Variants in FNDC1 observed in about 807,000 individuals in gnomAD.
The protein encoded by FNDC1 is fibronectin type III domain containing 1.
FNDC1 carries 96 observed loss-of-function variants against 168.0 expected under a neutral mutation model. The observed-to-expected ratio is 0.57, with a 90% confidence interval of 0.48 to 0.68. FNDC1 has a LOEUF of 0.68. Ranked by LOEUF, FNDC1 falls within the 30% of genes least tolerant of loss-of-function variation. The pLI, the probability that FNDC1 is intolerant of heterozygous loss-of-function variation, is 0.00. For synonymous variants in FNDC1, 1,099 were observed against 1,025.9 expected (o/e 1.07, Z -1.36); for missense variants, 2,587 against 2,482.1 (o/e 1.04, Z -0.90).
In FNDC1 at chr6:159,200,584, A is replaced by G. The variant is rs1249652165; in HGVS notation, c.460+3A>G. 1.3e-6 allele frequency: 2 copies of G among 1,585,050 alleles called. No individual in the cohort carries two copies. The highest frequency in any genetic ancestry group is 1.3e-5 in the African/African-American group (1 of 74,654). ...ACCATTTAATGAAACCGTCACAGGTACTACTTCCTCCTTCATGTCAGATTC... is the reference window on the plus strand; with the variant it reads ...ACCATTTAATGAAACCGTCACAGGTGCTACTTCCTCCTTCATGTCAGATTC... On this transcript the variant is annotated splice_donor_region_variant and intron_variant, in intron 4 of 22. Coordinates refer to ENST00000297267, the MANE Select transcript of FNDC1 (RefSeq NM_032532.3).
chr6:159,247,073 G>T (rs888202350), intron 15 of FNDC1, 104 bp downstream of exon 15: 1 of 910,344 alleles, frequency 1.1e-6, no homozygotes, highest in Admixed American at 1.9e-5. Context: ...TTCCTTTAGA[G>T]CTTTGGGCCG....
intron 4 of FNDC1, among the ~76,000 whole-genome samples, chr6:159,203,516 G>A (rs1315176305): frequency 2.0e-5 from 3 of 152,150 alleles, no homozygotes; most frequent in Admixed American, 6.5e-5. Flanking sequence ...TGACAGGATC[G>A]AGCGAGAATG....
Position 159,233,917 on chromosome 6 carries a change from C to A in FNDC1, c.3405C>A (p.Pro1135=), listed in dbSNP as rs1427906384. The part of the protein sequence containing the change: ...HRSQRGHAAS[P]ARPSRPGGPQ... ...CCCAGCGCGGACATGCGGCCTCCCC[C>A]GCCAGGCCCAGCCGACCCGGCGGCC... is the stretch of plus-strand genomic sequence containing the variant. The change falls in exon 11 of 23, where the codon CCC becomes CCA. Residue 1135 remains proline (P), a synonymous_variant. Coordinates refer to ENST00000297267, the MANE Select transcript of FNDC1 (RefSeq NM_032532.3). This position sits in a 1 kb window ranked among gnomAD's most constrained non-coding sequence, Gnocchi z 4.6. The A allele has an allele frequency of 3.2e-6, 5 of 1,548,934 alleles. No individual in the cohort carries two copies. Among genetic ancestry groups the A allele is most frequent in the African/African-American group, 1.4e-5 (1 of 73,036 alleles).
chr6:159,212,573 A>G (rs1782628424), intron 4 of FNDC1, among the ~76,000 whole-genome samples: 1 of 152,208 alleles, frequency 6.6e-6, no homozygotes, highest in Non-Finnish European at 1.5e-5. Context: ...AAGATTTGAA[A>G]GAGAGACAAT....
chr6:159,219,046 C>CTTTTT (rs11435161), intron 5 of FNDC1, among the ~76,000 whole-genome samples: 4 of 146,722 alleles, frequency 2.7e-5, no homozygotes, highest in Non-Finnish European at 1.5e-5. Context: ...AGTTTCCCCT[C>CTTTTT]TTTTTTTTTT....
At chr6:159,253,143 C>CTAA (rs1237975931) in intron 17 of FNDC1, among the ~76,000 whole-genome samples, 2 of 152,192 alleles carry the variant, frequency 1.3e-5, no homozygotes, top group Non-Finnish European at 2.9e-5. Flanking sequence ...CCTCAGAGCC[C>CTAA]TAATCATGAG....
At chr6:159,186,065 C>A (rs1228664516) in intron 1 of FNDC1, among the ~76,000 whole-genome samples, 1 of 152,182 alleles carries the variant, frequency 6.6e-6, no homozygotes, top group African/African-American at 2.4e-5. Flanking sequence ...ATTCTCTGAG[C>A]AAATTACAGT....
Position 159,251,483 on chromosome 6 carries a change from A to T in FNDC1, c.5016A>T (p.Ser1672=). The T allele has an allele frequency of 6.2e-7, 1 of 1,613,896 alleles. No individual in the cohort carries two copies. The highest frequency in any genetic ancestry group is 1.1e-5 in the South Asian group (1 of 91,056). The change falls in exon 17 of 23, where the codon TCA becomes TCT. Residue 1672 remains serine (S), a synonymous_variant. Coordinates refer to ENST00000297267, the MANE Select transcript of FNDC1 (RefSeq NM_032532.3). ...TGGTGGCCGTGGAAGGTTGCCACTCATTTGTCATTGTGGACTGGGACAAAG... is the reference window on the plus strand; with the variant it reads ...TGGTGGCCGTGGAAGGTTGCCACTCTTTTGTCATTGTGGACTGGGACAAAG... ...ITVVAVEGCH[S]FVIVDWDKAT...
chr6:159,228,459 C>T (rs897998177), intron 9 of FNDC1, among the ~76,000 whole-genome samples: 10 of 152,014 alleles, frequency 6.6e-5, no homozygotes, highest in Non-Finnish European at 1.0e-4. Context: ...TTTTGACCAC[C>T]ACAAATGACA....
intron 12 of FNDC1, 91 bp downstream of exon 12, chr6:159,236,406 CTTTG>C (rs1783261526): frequency 8.4e-6 from 7 of 834,118 alleles, no homozygotes; most frequent in Middle Eastern, 2.2e-4. Context: ...ATGAAGTGGT[CTTTG>C]TTTGTTCTTC....
At chr6:159,184,266 T>C (rs1218293992) in intron 1 of FNDC1, among the ~76,000 whole-genome samples, 1 of 152,250 alleles carries the variant, frequency 6.6e-6, no homozygotes, top group Non-Finnish European at 1.5e-5. Flanking sequence ...AGTAAATCTC[T>C]GTTCCATAAA....
Position 159,232,562 on chromosome 6 carries a change from A to G in FNDC1, c.2050A>G (p.Arg684Gly). The change falls in exon 11 of 23, where the codon AGA becomes GGA. Residue 684 changes from arginine (R) to glycine (G), a missense_variant. By Grantham distance (125) the Arg-to-Gly change is moderately radical (BLOSUM62 -2). Transcript: ENST00000297267. The surrounding 1 kb of genome is among the most constrained non-coding windows in gnomAD (Gnocchi z 4.9). Reference sequence around the variant, plus strand: ...GTCCCCGTCCAGCGTTCTCCGCGACAGAAGCTCTGTGCACCCCGGCGCAAA... The same window carrying G: ...GTCCCCGTCCAGCGTTCTCCGCGACGGAAGCTCTGTGCACCCCGGCGCAAA... ...RQSPSSVLRDRSSVHPGAKPA... is the reference protein window; with the variant it reads ...RQSPSSVLRDGSSVHPGAKPA... The G allele has an allele frequency of 6.2e-7, 1 of 1,611,688 alleles. No homozygotes were observed. Among genetic ancestry groups the G allele is most frequent in the Non-Finnish European group, 8.5e-7 (1 of 1,178,826 alleles).
At chr6:159,214,855 T>C in intron 4 of FNDC1, 90 bp from the exon 5 acceptor site, 1 of 1,084,114 alleles carries the variant, frequency 9.2e-7, no homozygotes, top group South Asian at 1.4e-5. Context: ...AGCTAATTGT[T>C]GAGGCTCAGG....
At chr6:159,172,992 T>C (rs1781691691) in intron 1 of FNDC1, among the ~76,000 whole-genome samples, 1 of 152,244 alleles carries the variant, frequency 6.6e-6, no homozygotes, top group Non-Finnish European at 1.5e-5. Flanking sequence ...ACAGTTACTT[T>C]TCATATAAAT....
chr6:159,256,208 T>A (rs1004054485), intron 17 of FNDC1, among the ~76,000 whole-genome samples: 18 of 152,190 alleles, frequency 1.2e-4, no homozygotes, highest in African/African-American at 4.1e-4. Flanking sequence ...TTCTTCTACT[T>A]TTGTTTTTCT....
At chr6:159,214,336 T>C (rs1782667378) in intron 4 of FNDC1, among the ~76,000 whole-genome samples, 1 of 152,176 alleles carries the variant, frequency 6.6e-6, no homozygotes, top group Non-Finnish European at 1.5e-5. Context: ...TAGCAAGAGA[T>C]TTCTCAAAAC....
Position 159,221,654 on chromosome 6 carries a change from C to A in FNDC1, c.724C>A (p.Gln242Lys). The change falls in exon 6 of 23, where the codon CAA becomes AAA. Residue 242 changes from glutamine to lysine, a missense_variant. Gln to Lys is a moderately conservative substitution (Grantham distance 53). Transcript: ENST00000297267. Reference sequence around the variant, plus strand: ...GTCCATGAACTCTCAGGGCCGGAGCCAACCAGTCTACAGGGCTGCCCTAAC... The same window carrying A: ...GTCCATGAACTCTCAGGGCCGGAGCAAACCAGTCTACAGGGCTGCCCTAAC... ...LQSMNSQGRS[Q>K]PVYRAALTKR... 1 of 1,614,042 alleles carries A rather than the reference C, an allele frequency of 6.2e-7. No individual in the cohort carries two copies. The highest frequency in any genetic ancestry group is 8.5e-7 in the Non-Finnish European group (1 of 1,179,892).
At chr6:159,228,120 A>G (rs1463536562) in intron 9 of FNDC1, among the ~76,000 whole-genome samples, 2 of 152,140 alleles carry the variant, frequency 1.3e-5, no homozygotes, top group Non-Finnish European at 2.9e-5. Context: ...CATGCTACTT[A>G]TGTACTCTTC....
At chr6:159,236,125 G>A in intron 11 of FNDC1, 90 bp from the exon 12 acceptor site, 1 of 742,260 alleles carries the variant, frequency 1.3e-6, no homozygotes, top group South Asian at 1.8e-5. Flanking sequence ...TTGAAATGAT[G>A]TGTCACTACT....
Sources: allele counts gnomAD v4.1 joint callset (sites outside exome capture counted in the v4.1 genomes callset), GRCh38; gene constraint gnomAD v4.1.1; non-coding constraint Gnocchi (gnomAD v3.1); transcripts MANE v1.5; gene names NCBI Gene and HGNC (gene_info 2026-07-23, HGNC 2026-07-21).